BID: variants seen among roughly 807,000 people sequenced by gnomAD.
The protein encoded by BID is BH3 interacting domain death agonist.
In BID, 19 loss-of-function variants were observed where a neutral mutation model predicts 17.4. That is an observed-to-expected ratio of 1.09 (90% CI 0.76 to 1.60). The LOEUF is 1.60. BID is among the 40% of genes most tolerant of loss of function. BID has a pLI of 0.00. For missense variants in BID, 226 were observed against 256.0 expected, an observed-to-expected ratio of 0.88 and a Z score of 0.80; for synonymous variants, 108 against 102.8, an observed-to-expected ratio of 1.05 and a Z score of -0.31.
At chr22:17,771,992 G>A (rs565460406) in intron 1 of BID, among the ~76,000 whole-genome samples, 1 of 152,238 alleles carries the variant, frequency 6.6e-6, no homozygotes, top group African/African-American at 2.4e-5. Flanking sequence ...AATCTGGGCA[G>A]TGTGCCTGAT....
chr22:17,763,229 A>G (rs547788514), intron 1 of BID, among the ~76,000 whole-genome samples: 4 of 147,102 alleles, frequency 2.7e-5, no homozygotes, highest in Non-Finnish European at 4.4e-5. Flanking sequence ...GTTTGTCTCC[A>G]TCATGTGTAT....
chr22:17,738,329 G>T lies in BID; in HGVS notation c.364-100C>A, dbSNP rs2061434741. The T allele has an allele frequency of 7.1e-6, 8 of 1,127,792 alleles. No homozygotes were observed. In the South Asian group the frequency reaches 1.1e-4, roughly 16 times the overall value. The allele number at this position is 1,127,792 out of a possible 1,614,324, so 69.9% of individuals were successfully genotyped here. On this transcript the variant is annotated intron_variant, in intron 4 of 5. Transcript: ENST00000622694. Reference sequence around the variant, plus strand: ...AGAAGCACTTCAAAGTACTTATTAAGTATCCAGGGCTGCTGGGCGGAAAGA... The same window carrying T: ...AGAAGCACTTCAAAGTACTTATTAATTATCCAGGGCTGCTGGGCGGAAAGA...
At chr22:17,750,008 A>C (rs2061524625) in intron 2 of BID, 97 bp downstream of exon 2, 1 of 1,245,764 alleles carries the variant, frequency 8.0e-7, no homozygotes, top group Non-Finnish European at 1.1e-6. Flanking sequence ...AGGCGGGCTC[A>C]GCCTCAGCCC....
rs778362797 is a variant in BID at position 17,738,085 on chromosome 22, C to T, written c.508G>A (p.Val170Ile). 2 of 1,614,066 alleles carry T rather than the reference C, an allele frequency of 1.2e-6. No homozygotes were observed. Among genetic ancestry groups the T allele is most frequent in the African/African-American group, 2.7e-5 (2 of 74,910 alleles). The change falls in exon 5 of 6, where the codon GTC (valine) becomes ATC (isoleucine). Residue 170 changes from valine to isoleucine, a missense_variant. Coordinates refer to ENST00000622694, the MANE Select transcript of BID (RefSeq NM_001196.4). ...ATAAAATTCACTGTTGTGTGAAAGA[C>T]ATCACGGAGCAAGGACGGCGTGTGA... ...ASHTPSLLRDVFHTTVNFINQ... is the reference protein window; with the variant it reads ...ASHTPSLLRDIFHTTVNFINQ...
Position 17,769,368 on chromosome 22 carries a change from C to T in BID, c.-59+5013G>A, listed in dbSNP as rs1421934624. 6.6e-6 allele frequency among the ~76,000 whole-genome samples: 1 copy of T among 152,222 alleles called. No individual in the cohort carries two copies. The highest frequency in any genetic ancestry group is 1.5e-5 in the Non-Finnish European group (1 of 68,036). Reference sequence around the variant, plus strand: ...GGGGCTGGATGTCTGCAGGGGTCCTCAGGGATACCCAGAGGGAGAAACAAG... The same window carrying T: ...GGGGCTGGATGTCTGCAGGGGTCCTTAGGGATACCCAGAGGGAGAAACAAG... On this transcript the variant is annotated intron_variant, in intron 1 of 5. Coordinates refer to ENST00000622694, the MANE Select transcript of BID (RefSeq NM_001196.4). This position sits in a 1 kb window ranked among gnomAD's most constrained non-coding sequence, Gnocchi z 4.8.
chr22:17,738,242 G>A lies in BID; in HGVS notation c.364-13C>T. The A allele has an allele frequency of 6.2e-7, 1 of 1,606,198 alleles. No individual in the cohort carries two copies. The highest frequency in any genetic ancestry group is 1.1e-5 in the South Asian group (1 of 90,972). ...CCCTGTTCCGGTCCTGCACAGAGGG[G>A]CACACAGAACCTGGTTTACTAATAC... On this transcript the variant is annotated splice_polypyrimidine_tract_variant and intron_variant, in intron 4 of 5. Coordinates refer to ENST00000622694, the MANE Select transcript of BID (RefSeq NM_001196.4).
chr22:17,745,430 G>A, intron 2 of BID, among the ~76,000 whole-genome samples: 1 of 152,126 alleles, frequency 6.6e-6, no homozygotes, highest in East Asian at 1.9e-4. Flanking sequence ...GGAGGCAGAG[G>A]CAGGAGGATC....
intron 2 of BID, 103 bp downstream of exon 2, chr22:17,750,002 G>T: frequency 8.6e-7 from 1 of 1,165,712 alleles, no homozygotes; most frequent in Non-Finnish European, 1.2e-6. Flanking sequence ...AGGGCCAGGC[G>T]GGCTCAGCCT....
Position 17,760,710 on chromosome 22 carries a change from C to T in BID, c.-58-10536G>A, listed in dbSNP as rs138367659. ...CCGGCGCGCTGGGGTGGTCTGAGAG[C>T]CATTGAGGTAATGTCCATGCAGAAG... On this transcript the variant is annotated intron_variant, in intron 1 of 5. Coordinates refer to ENST00000622694, the MANE Select transcript of BID (RefSeq NM_001196.4). Among the ~76,000 whole-genome samples the T allele has an allele frequency of 2.6e-3, 402 of 152,186 alleles. 2 individuals are homozygous for T. The highest frequency in any genetic ancestry group is 9.3e-3 in the African/African-American group (387 of 41,524).
chr22:17,753,086 C>T (rs1601856493), intron 1 of BID, among the ~76,000 whole-genome samples: 1 of 150,204 alleles, frequency 6.7e-6, no homozygotes, highest in African/African-American at 2.5e-5. Flanking sequence ...CCTGCCTCAG[C>T]CTCCTGAGTA....
At chr22:17,744,146 G>A in intron 2 of BID, 133 bp from the exon 3 acceptor site, 1 of 780,906 alleles carries the variant, frequency 1.3e-6, no homozygotes, top group Non-Finnish European at 2.1e-6. Context: ...TGGGCTGGAG[G>A]GCCCTGCAGG....
At chr22:17,739,866 G>T (rs1023577542) in intron 3 of BID, 1 of 618,340 alleles carries the variant, frequency 1.6e-6, no homozygotes, top group African/African-American at 1.8e-5. Flanking sequence ...GTTGGGGAAG[G>T]GGCTCTGTGG....
chr22:17,763,348 A>G (rs2061655144), intron 1 of BID, among the ~76,000 whole-genome samples: 1 of 151,554 alleles, frequency 6.6e-6, no homozygotes, highest in Non-Finnish European at 1.5e-5. Flanking sequence ...GGTTCAAGTG[A>G]TTCTCCTGCC....
intron 2 of BID, 77 bp from the exon 3 acceptor site, chr22:17,744,090 G>C: frequency 1.5e-6 from 2 of 1,358,312 alleles, no homozygotes; most frequent in Non-Finnish European, 1.0e-6. Context: ...TCCAGTTGCA[G>C]CTGGCCCAAA....
intron 2 of BID, among the ~76,000 whole-genome samples, chr22:17,746,615 G>A (rs1261620620): frequency 1.3e-5 from 2 of 152,194 alleles, no homozygotes; most frequent in African/African-American, 4.8e-5. Flanking sequence ...CTGTCAATGT[G>A]ACCTTATTTG....
chr22:17,744,843 G>A (rs910170516), intron 2 of BID, among the ~76,000 whole-genome samples: 3 of 152,206 alleles, frequency 2.0e-5, no homozygotes, highest in Non-Finnish European at 4.4e-5. Flanking sequence ...GACCTAAGGT[G>A]GAAGAGAGAA....
At chr22:17,752,758 C>T (rs1303291869) in intron 1 of BID, among the ~76,000 whole-genome samples, 3 of 152,022 alleles carry the variant, frequency 2.0e-5, no homozygotes, top group Admixed American at 6.6e-5. Flanking sequence ...CTCCACTTCC[C>T]GGGTTCCAGG....
intron 1 of BID, chr22:17,774,069 C>G (rs1018663079): frequency 3.0e-6 from 1 of 334,900 alleles, no homozygotes; most frequent in Non-Finnish European, 5.6e-6. Context: ...GCACCCCTCC[C>G]CTGAATCCCC....
intron 2 of BID, among the ~76,000 whole-genome samples, chr22:17,748,217 A>C (rs917737511): frequency 1.2e-4 from 17 of 141,758 alleles, no homozygotes; most frequent in Non-Finnish European, 2.3e-4. Flanking sequence ...TCAAAAAAAT[A>C]ATAATAATAA....
Sources: allele counts gnomAD v4.1 joint callset (sites outside exome capture counted in the v4.1 genomes callset), GRCh38; gene constraint gnomAD v4.1.1; non-coding constraint Gnocchi (gnomAD v3.1); transcripts MANE v1.5; gene names NCBI Gene and HGNC (gene_info 2026-07-23, HGNC 2026-07-21).